The following DOCK1 variants were observed in gnomAD, a reference collection of about 807,000 sequenced individuals.
DOCK1 encodes the protein dedicator of cytokinesis protein 1.
DOCK1 carries 138 observed loss-of-function variants against 262.7 expected under a neutral mutation model. The ratio of observed to expected loss-of-function variants is 0.53; its 90% CI spans 0.46 to 0.61. The LOEUF (loss-of-function observed/expected upper bound fraction) is 0.61. Among genes scored for constraint, DOCK1 ranks in the 20% least tolerant of loss-of-function variants. The pLI, the probability that DOCK1 is intolerant of heterozygous loss-of-function variation, is 0.00. For missense variants in DOCK1, 1,908 were observed against 2,370.7 expected, an observed-to-expected ratio of 0.80 and a Z score of 4.05; for synonymous variants, 866 against 867.4, an observed-to-expected ratio of 1.00 and a Z score of 0.03.
At chr10:127,111,216 A>G (rs1241178761) in intron 25 of DOCK1, among the ~76,000 whole-genome samples, 2 of 152,114 alleles carry the variant, frequency 1.3e-5, no homozygotes, top group Non-Finnish European at 2.9e-5. Flanking sequence ...GCCTTCTGGG[A>G]TGCGAATTTT....
At chr10:126,958,304 A>G (rs1003222115) in intron 1 of DOCK1, among the ~76,000 whole-genome samples, 1 of 152,144 alleles carries the variant, frequency 6.6e-6, no homozygotes, top group Non-Finnish European at 1.5e-5. Flanking sequence ...AGTTAGAGAT[A>G]TTGGATGTCA....
intron 26 of DOCK1, 74 bp downstream of exon 26, chr10:127,125,675 T>C: frequency 6.4e-7 from 1 of 1,555,712 alleles, no homozygotes; most frequent in Non-Finnish European, 8.7e-7. Context: ...ACAACTTTAT[T>C]CAGTTAAAAA....
At chr10:127,403,178 C>T in intron 39 of DOCK1, 34 bp downstream of exon 39, 1 of 1,551,224 alleles carries the variant, frequency 6.4e-7, no homozygotes, top group East Asian at 2.4e-5. Context: ...TAAATGAACA[C>T]AGGCAATCTC....
intron 29 of DOCK1, among the ~76,000 whole-genome samples, chr10:127,272,351 C>T (rs2060598723): frequency 6.6e-6 from 1 of 152,198 alleles, no homozygotes; most frequent in African/African-American, 2.4e-5. Flanking sequence ...GGCAGAGACA[C>T]CACTGTGAGC....
At chr10:127,316,155 A>AT (rs577435962) in intron 29 of DOCK1, among the ~76,000 whole-genome samples, 62 of 152,238 alleles carry the variant, frequency 4.1e-4, no homozygotes, top group Non-Finnish European at 5.1e-4. Flanking sequence ...TTCAGTTTTT[A>AT]TTTTTTGTGG....
In DOCK1 at chr10:127,425,870, C is replaced by G. The variant is rs777761957; in HGVS notation, c.4777-4C>G. ...TAAGGAATGTCAACCTCTCTGTTTT[C>G]CAGATTCCTTTTCTGGCCGAAGGGA... On this transcript the variant is annotated splice_region_variant and splice_polypyrimidine_tract_variant and intron_variant, in intron 46 of 51. Transcript: ENST00000623213. 3 of 1,613,990 alleles carry G rather than the reference C, an allele frequency of 1.9e-6. No individual in the cohort carries two copies. Among genetic ancestry groups the G allele is most frequent in the Admixed American group, 3.3e-5 (2 of 60,030 alleles).
Position 127,354,711 on chromosome 10 carries a change from C to T in DOCK1, c.3267C>T (p.Asp1089=), listed in dbSNP as rs1442614366. 1.2e-6 allele frequency: 2 copies of T among 1,613,920 alleles called. No homozygotes were observed. The highest frequency in any genetic ancestry group is 1.7e-6 in the Non-Finnish European group (2 of 1,179,806). Residue 1089 remains aspartate (D), a synonymous_variant, in exon 32 of 52, where the codon GAC becomes GAT. Transcript: ENST00000623213. The stretch of plus-strand genomic sequence containing the variant: ...GACAGATTGGCTTTGAAATCAGAGA[C>T]ATGTGGTACAACCTTGGTGAGTAGC... ...MRRQIGFEIR[D]MWYNLGQHKI...
chr10:127,299,793 G>T (rs2061622246), intron 29 of DOCK1, among the ~76,000 whole-genome samples: 1 of 152,190 alleles, frequency 6.6e-6, no homozygotes, highest in Admixed American at 6.5e-5. Context: ...GCCAGGGTAT[G>T]ATCAGCGAGA....
chr10:127,222,366 T>C (rs1181385800), intron 27 of DOCK1, among the ~76,000 whole-genome samples: 1 of 152,184 alleles, frequency 6.6e-6, no homozygotes, highest in African/African-American at 2.4e-5. Flanking sequence ...CACTGTGGCT[T>C]ACTCTCTCTC....
At chr10:127,266,972 CAT>C (rs1198111530) in intron 29 of DOCK1, among the ~76,000 whole-genome samples, 1 of 152,184 alleles carries the variant, frequency 6.6e-6, no homozygotes, top group Non-Finnish European at 1.5e-5. Context: ...CAGAGAAACA[CAT>C]GAGACTTTTC....
intron 11 of DOCK1, among the ~76,000 whole-genome samples, chr10:127,009,945 G>A (rs949431561): frequency 2.0e-5 from 3 of 152,188 alleles, no homozygotes; most frequent in African/African-American, 4.8e-5. Context: ...GGCGGGCGAT[G>A]TGGTCACATA....
chr10:126,972,920 G>C (rs1320002841), intron 2 of DOCK1, among the ~76,000 whole-genome samples: 1 of 151,450 alleles, frequency 6.6e-6, no homozygotes, highest in East Asian at 2.0e-4. Context: ...CTTGTTTTCC[G>C]TGTTTACAGC....
intron 27 of DOCK1, among the ~76,000 whole-genome samples, chr10:127,140,011 A>G (rs1361700602): frequency 1.3e-5 from 2 of 152,198 alleles, no homozygotes; most frequent in Non-Finnish European, 2.9e-5. Flanking sequence ...AATATACGGT[A>G]TGTTAGGTAT....
In DOCK1 at chr10:126,991,529, G is replaced by T. The variant is rs577439966; in HGVS notation, c.473+926G>T. On this transcript the variant is annotated intron_variant, in intron 6 of 51. Coordinates refer to ENST00000623213, the MANE Select transcript of DOCK1 (RefSeq NM_001290223.2). ...TGGAAATCTCCAGTGTTTTTTTTTTGTTTGTTTGTTTTTTTTTGAGATGGA... is the reference window on the plus strand; with the variant it reads ...TGGAAATCTCCAGTGTTTTTTTTTTTTTTGTTTGTTTTTTTTTGAGATGGA... Among the ~76,000 whole-genome samples, 611 of 150,648 alleles carry T rather than the reference G, an allele frequency of 4.1e-3. 5 individuals are homozygous for T. The highest frequency in any genetic ancestry group is 0.01 in the Middle Eastern group (3 of 294).
At chr10:127,253,816 G>A (rs571124454) in intron 28 of DOCK1, among the ~76,000 whole-genome samples, 5 of 145,922 alleles carry the variant, frequency 3.4e-5, no homozygotes, top group African/African-American at 5.0e-5. Context: ...TTGAGGCTGC[G>A]GTGAGCTAAG....
intron 27 of DOCK1, among the ~76,000 whole-genome samples, chr10:127,236,869 C>G (rs534555705): frequency 2.1e-4 from 32 of 152,024 alleles, no homozygotes; most frequent in Non-Finnish European, 4.3e-4. Flanking sequence ...TTCAAGAATT[C>G]CAGATTTTAG....
chr10:127,408,529 C>T (rs753061784), intron 40 of DOCK1, among the ~76,000 whole-genome samples: 10 of 152,232 alleles, frequency 6.6e-5, no homozygotes, highest in African/African-American at 1.2e-4. Flanking sequence ...AGTCAGCGCC[C>T]GGCGGCCGTG....
chr10:127,433,318 C>G lies in DOCK1; in HGVS notation c.4950C>G (p.Pro1650=). The G allele has an allele frequency of 2.5e-6, 4 of 1,613,992 alleles. No individual in the cohort carries two copies. The highest frequency in any genetic ancestry group is 2.5e-6 in the Non-Finnish European group (3 of 1,179,900). The part of the protein sequence containing the change: ...SSLDDRRGSR[P]RSMVRSFTMP... Reference sequence around the variant, plus strand: ...TGGATGATAGAAGAGGCAGCCGCCCCCGGTCCATGGTGCGGTCCTTCACGA... The same window carrying G: ...TGGATGATAGAAGAGGCAGCCGCCCGCGGTCCATGGTGCGGTCCTTCACGA... Residue 1650 remains proline, a synonymous_variant, in exon 48 of 52, where the codon CCC becomes CCG. Coordinates refer to ENST00000623213, the MANE Select transcript of DOCK1 (RefSeq NM_001290223.2).
chr10:127,332,955 C>G (rs539804360), intron 29 of DOCK1, among the ~76,000 whole-genome samples: 3 of 152,164 alleles, frequency 2.0e-5, no homozygotes, highest in Non-Finnish European at 4.4e-5. Context: ...TCCCAGCATC[C>G]CTGAATTATG....
Sources: gnomAD v4.1 joint callset for allele counts (sites outside exome capture counted in the v4.1 genomes callset) on GRCh38, gnomAD v4.1.1 for gene constraint, MANE v1.5 for transcripts, NCBI Gene and HGNC (gene_info 2026-07-23, HGNC 2026-07-21) for gene names.